The following ZNF277 variants were observed in gnomAD, a reference collection of about 807,000 sequenced individuals.
The protein encoded by ZNF277 is zinc finger protein 277.
Under a neutral mutation model 60.7 loss-of-function variants are expected in ZNF277, and 55 were observed. The ratio of observed to expected loss-of-function variants is 0.91; its 90% CI spans 0.73 to 1.13. The LOEUF is 1.13. ZNF277 is among the 50% of genes most tolerant of loss of function. The pLI is 0.00. For synonymous variants in ZNF277, 178 were observed against 179.3 expected, an observed-to-expected ratio of 0.99 and a Z score of 0.06; for missense variants, 510 against 523.0, an observed-to-expected ratio of 0.98 and a Z score of 0.24.
intron 10 of ZNF277, 132 bp from the exon 11 acceptor site, chr7:112,340,740 T>C: frequency 1.4e-6 from 1 of 698,832 alleles, no homozygotes; most frequent in Non-Finnish European, 2.4e-6. Flanking sequence ...TTGGTATCTA[T>C]TATTATGCTT....
At chr7:112,229,373 T>C (rs536824226) in intron 1 of ZNF277, among the ~76,000 whole-genome samples, 1 of 152,188 alleles carries the variant, frequency 6.6e-6, no homozygotes, top group African/African-American at 2.4e-5. Flanking sequence ...TCAGATGCCA[T>C]ACAAGGACAT....
intron 1 of ZNF277, among the ~76,000 whole-genome samples, chr7:112,261,261 T>G (rs1395469501): frequency 1.3e-5 from 2 of 152,238 alleles, no homozygotes; most frequent in African/African-American, 4.8e-5. Flanking sequence ...GGAAATGAAG[T>G]TTCAGTAGTA....
chr7:112,303,141 G>A (rs975135489), intron 4 of ZNF277, among the ~76,000 whole-genome samples: 3 of 151,802 alleles, frequency 2.0e-5, no homozygotes, highest in African/African-American at 7.3e-5. Flanking sequence ...AGTAGAGACA[G>A]GGTTTAACCA....
chr7:112,329,255 T>C (rs1793171664), intron 6 of ZNF277, among the ~76,000 whole-genome samples: 1 of 152,282 alleles, frequency 6.6e-6, no homozygotes, highest in South Asian at 2.1e-4. Context: ...ACTTAGACAC[T>C]ATATGGCTCC....
chr7:112,297,745 C>T (rs1792387475), intron 4 of ZNF277, among the ~76,000 whole-genome samples: 1 of 152,166 alleles, frequency 6.6e-6, no homozygotes, highest in Non-Finnish European at 1.5e-5. Context: ...TGCACTTATT[C>T]ATAATTTCCA....
chr7:112,309,073 G>A (rs534880770), intron 4 of ZNF277, among the ~76,000 whole-genome samples: 22 of 152,114 alleles, frequency 1.4e-4, no homozygotes, highest in African/African-American at 4.8e-4. Flanking sequence ...AAGGCTTTAC[G>A]ATCTACTTTA....
chr7:112,272,799 T>C (rs1360290833), intron 1 of ZNF277, among the ~76,000 whole-genome samples: 1 of 152,182 alleles, frequency 6.6e-6, no homozygotes, highest in East Asian at 1.9e-4. Flanking sequence ...CGGCCTTATT[T>C]TTAGTATTTT....
At chr7:112,210,269 G>C (rs755416557) in intron 1 of ZNF277, among the ~76,000 whole-genome samples, 13 of 152,052 alleles carry the variant, frequency 8.5e-5, no homozygotes, top group Non-Finnish European at 1.8e-4. Flanking sequence ...GGGACAGTGA[G>C]GCCTAGGAAG....
chr7:112,293,998 T>C (rs1369928333), intron 2 of ZNF277, among the ~76,000 whole-genome samples: 2 of 152,220 alleles, frequency 1.3e-5, no homozygotes, highest in East Asian at 3.8e-4. Flanking sequence ...TGAAAATAGA[T>C]GTCTATATTT....
At position 112,276,184 on chromosome 7, in the gene ZNF277, G is replaced by A. The variant is rs570230812; in HGVS notation, c.92-10689G>A. On this transcript the variant is annotated intron_variant, in intron 1 of 11. Coordinates refer to ENST00000361822, the MANE Select transcript of ZNF277 (RefSeq NM_021994.3). The stretch of plus-strand genomic sequence containing the variant: ...TAGATTTGGAAATAACCAACTTCCC[G>A]GCCCATCGTGGGGGAATCTGATGGA... 5.3e-5 allele frequency among the ~76,000 whole-genome samples: 8 copies of A among 152,284 alleles called. No individual in the cohort carries two copies. In the East Asian group the frequency reaches 9.6e-4, roughly 18 times the overall value.
chr7:112,329,229 A>G (rs910149078), intron 6 of ZNF277, among the ~76,000 whole-genome samples: 1 of 152,214 alleles, frequency 6.6e-6, no homozygotes, highest in Non-Finnish European at 1.5e-5. Context: ...AGAGTTTCCC[A>G]TGTAAAATAT....
intron 4 of ZNF277, among the ~76,000 whole-genome samples, chr7:112,316,266 T>C (rs115820361): frequency 0.013 from 1,934 of 152,090 alleles, 45 homozygotes; most frequent in African/African-American, 0.045. Context: ...ACTGGAAAAA[T>C]TGTCTTTTAA....
At chr7:112,249,297 A>C (rs1045393782) in intron 1 of ZNF277, among the ~76,000 whole-genome samples, 8 of 152,190 alleles carry the variant, frequency 5.3e-5, no homozygotes, top group Admixed American at 5.2e-4. Flanking sequence ...CAATAAATAC[A>C]TAGGTCCAAT....
intron 1 of ZNF277, among the ~76,000 whole-genome samples, chr7:112,247,967 CAAAA>C (rs10717200): frequency 6.9e-6 from 1 of 144,578 alleles, no homozygotes; most frequent in African/African-American, 2.6e-5. Flanking sequence ...AACTCCATCT[CAAAA>C]AAAAAAAAAG....
chr7:112,260,318 G>A (rs201010301), intron 1 of ZNF277, among the ~76,000 whole-genome samples: 1 of 152,106 alleles, frequency 6.6e-6, no homozygotes, highest in East Asian at 1.9e-4. Flanking sequence ...GAAGACAAAA[G>A]TAATTCCTTT....
intron 4 of ZNF277, among the ~76,000 whole-genome samples, chr7:112,300,846 A>G (rs1792455840): frequency 6.6e-6 from 1 of 152,034 alleles, no homozygotes; most frequent in Non-Finnish European, 1.5e-5. Flanking sequence ...AGCATATTTA[A>G]TTGATTCTTT....
At chr7:112,280,154 G>A (rs1312063898) in intron 1 of ZNF277, among the ~76,000 whole-genome samples, 2 of 152,140 alleles carry the variant, frequency 1.3e-5, no homozygotes, top group African/African-American at 4.8e-5. Context: ...CACACCTGAG[G>A]TCCTCTTGTC....
intron 1 of ZNF277, among the ~76,000 whole-genome samples, chr7:112,235,216 A>G (rs112959232): frequency 1.7e-4 from 26 of 151,988 alleles, no homozygotes; most frequent in African/African-American, 5.6e-4. Context: ...CCTGAAATTT[A>G]TTTTGTGGTA....
intron 5 of ZNF277, among the ~76,000 whole-genome samples, chr7:112,322,071 A>C (rs1372815558): frequency 6.6e-6 from 1 of 152,138 alleles, no homozygotes; most frequent in Non-Finnish European, 1.5e-5. Context: ...ATCATCAATC[A>C]GATTCTTCCC....
Sources: gnomAD v4.1 joint callset for allele counts (sites outside exome capture counted in the v4.1 genomes callset) on GRCh38, gnomAD v4.1.1 for gene constraint, MANE v1.5 for transcripts, NCBI Gene and HGNC (gene_info 2026-07-23, HGNC 2026-07-21) for gene names.